The following TMSB15B variants were observed in gnomAD, a reference collection of about 807,000 sequenced individuals.
TMSB15B encodes thymosin beta 15B.
At chrX:103,935,602 C>T (rs143970879) in intron 1 of TMSB15B, among the ~76,000 whole-genome samples, 2,560 of 111,149 alleles carry the variant, frequency 0.023, 68 homozygotes, top group African/African-American at 0.079. Flanking sequence ...ATAGGGAATC[C>T]TTTCCCCATT....
At chrX:103,944,344 T>C (rs782290255) in intron 1 of TMSB15B, among the ~76,000 whole-genome samples, 2 of 112,255 alleles carry the variant, frequency 1.8e-5, no homozygotes, top group African/African-American at 6.5e-5. Flanking sequence ...AAGCACCATT[T>C]GTAGCTTTAT....
chrX:103,920,607 C>T (rs1556317555), intron 1 of TMSB15B, among the ~76,000 whole-genome samples: 1 of 112,828 alleles, frequency 8.9e-6, no homozygotes, highest in Non-Finnish European at 1.9e-5. Flanking sequence ...TCTTCTGAGT[C>T]CACAGCTTTG....
In TMSB15B at chrX:103,926,797, C is replaced by T. The variant is rs192377906; in HGVS notation, c.-721+7505C>T. ...ACATAGCCCAGGGTTCGGTGGGAAACCTGTGGGTCTGCTGTTCCTGCCAGG... is the reference window on the plus strand; with the variant it reads ...ACATAGCCCAGGGTTCGGTGGGAAATCTGTGGGTCTGCTGTTCCTGCCAGG... On this transcript the variant is annotated intron_variant, in intron 1 of 3. Coordinates refer to the TMSB15B transcript ENST00000419165. 8.2e-5 allele frequency among the ~76,000 whole-genome samples: 9 copies of T among 109,904 alleles called. No homozygotes were observed. In the East Asian group the frequency reaches 2.6e-3, roughly 32 times the overall value.
intron 1 of TMSB15B, among the ~76,000 whole-genome samples, chrX:103,939,571 G>A (rs1556323306): frequency 1.8e-5 from 2 of 110,683 alleles, no homozygotes. Context: ...TTTTATCAAG[G>A]TTCTTAGCTT....
At chrX:103,926,162 A>G (rs375516425) in intron 1 of TMSB15B, among the ~76,000 whole-genome samples, 12 of 110,121 alleles carry the variant, frequency 1.1e-4, no homozygotes, top group African/African-American at 3.3e-4. Context: ...AGCGTTAAGG[A>G]AGCTGAGGCT....
At chrX:103,925,758 T>C (rs1292902152) in intron 1 of TMSB15B, among the ~76,000 whole-genome samples, 1 of 112,518 alleles carries the variant, frequency 8.9e-6, no homozygotes, top group Non-Finnish European at 1.9e-5. Context: ...TGCCAAATCC[T>C]AGCCCAGTTT....
At chrX:103,930,992 T>G (rs2074983508) in intron 1 of TMSB15B, 2 of 111,260 alleles carry the variant, frequency 1.8e-5, no homozygotes, top group Non-Finnish European at 1.9e-5. Flanking sequence ...CTGAACCAAA[T>G]TTGTCCTGTA....
Position 103,929,872 on chromosome X carries a change from TTTATTA to T in TMSB15B, c.-721+10588_-721+10593del, listed in dbSNP as rs782374335. On this transcript the variant is annotated intron_variant, in intron 1 of 3. Transcript: ENST00000419165. ...TAAAAATTATTTTATTTTATTTTAT[TTTATTA>T]TTATTATACTTTAAGTTTTAGGGTA... Among the ~76,000 whole-genome samples, 531 of 110,142 alleles carry T rather than the reference TTTATTA, an allele frequency of 4.8e-3. 4 individuals are homozygous for T. The highest frequency in any genetic ancestry group is 0.016 in the African/African-American group (490 of 30,376).
chrX:103,920,679 T>C (rs782655200), intron 1 of TMSB15B, among the ~76,000 whole-genome samples: 2 of 112,596 alleles, frequency 1.8e-5, no homozygotes, highest in Non-Finnish European at 3.8e-5. Flanking sequence ...GATGAAGAAG[T>C]GTGAGAAATC....
At chrX:103,936,486 C>T (rs1482140311) in intron 1 of TMSB15B, among the ~76,000 whole-genome samples, 1 of 111,985 alleles carries the variant, frequency 8.9e-6, no homozygotes, top group African/African-American at 3.2e-5. Context: ...ATGATTTTTG[C>T]ACATTGATTT....
At chrX:103,954,252 G>T (rs782575469) in intron 1 of TMSB15B, among the ~76,000 whole-genome samples, 1 of 112,231 alleles carries the variant, frequency 8.9e-6, no homozygotes, top group Non-Finnish European at 1.9e-5. Flanking sequence ...TATCAGACCT[G>T]ATCACTGCAG....
At chrX:103,921,244 G>A (rs1237929267) in intron 1 of TMSB15B, among the ~76,000 whole-genome samples, 5 of 112,046 alleles carry the variant, frequency 4.5e-5, no homozygotes, top group African/African-American at 1.6e-4. Context: ...TGGATGTATG[G>A]AGAAGGCAGG....
chrX:103,953,231 C>T (rs184007367), intron 1 of TMSB15B, among the ~76,000 whole-genome samples: 244 of 111,474 alleles, frequency 2.2e-3, no homozygotes, highest in Non-Finnish European at 3.3e-3. Flanking sequence ...CGTCATGAGC[C>T]CACTCCATCA....
At chrX:103,951,664 C>A (rs2075039524) in intron 1 of TMSB15B, among the ~76,000 whole-genome samples, 1 of 110,988 alleles carries the variant, frequency 9.0e-6, no homozygotes, top group Non-Finnish European at 1.9e-5. Context: ...AGGGGTCGTG[C>A]TTTTGCCAAG....
chrX:103,938,560 G>C (rs1292772452), intron 1 of TMSB15B, among the ~76,000 whole-genome samples: 2 of 111,911 alleles, frequency 1.8e-5, no homozygotes, highest in Non-Finnish European at 3.8e-5. Context: ...TTGCATGTGA[G>C]ATGGGTCTCC....
At chrX:103,919,900 CT>C (rs1216547158) in intron 1 of TMSB15B, among the ~76,000 whole-genome samples, 3 of 111,043 alleles carry the variant, frequency 2.7e-5, no homozygotes, top group African/African-American at 9.9e-5. Context: ...CTGAAGAGCA[CT>C]TTTGCACAGG....
chrX:103,941,165 G>A (rs1353980034), intron 1 of TMSB15B, among the ~76,000 whole-genome samples: 1 of 111,950 alleles, frequency 8.9e-6, no homozygotes, highest in Non-Finnish European at 1.9e-5. Flanking sequence ...CAGCCATCTT[G>A]CCCAGGAGTC....
At chrX:103,934,138 C>T (rs1265508527) in intron 1 of TMSB15B, among the ~76,000 whole-genome samples, 2 of 110,870 alleles carry the variant, frequency 1.8e-5, no homozygotes, top group African/African-American at 6.6e-5. Context: ...CTTCATTCGC[C>T]CCTCTGCAGG....
intron 1 of TMSB15B, among the ~76,000 whole-genome samples, chrX:103,947,258 A>G (rs1439751605): frequency 2.8e-4 from 31 of 111,851 alleles, no homozygotes; most frequent in African/African-American, 9.7e-4. Context: ...GAGCAAAAGA[A>G]TCCAGACACA....
Sources: allele counts gnomAD v4.1 joint callset (sites outside exome capture counted in the v4.1 genomes callset), GRCh38; gene constraint gnomAD v4.1.1; transcripts MANE v1.5; gene names NCBI Gene and HGNC (gene_info 2026-07-23, HGNC 2026-07-21).